The following MRC2 variants were observed in gnomAD, a reference collection of about 807,000 sequenced individuals.
MRC2 encodes the protein C-type mannose receptor 2.
Under a neutral mutation model 206.2 loss-of-function variants are expected in MRC2, and 84 were observed. The observed-to-expected ratio is 0.41, with a 90% CI of 0.34 to 0.49. MRC2 has a LOEUF of 0.49. MRC2 is among the 20% of genes least tolerant of loss of function. The pLI, the probability that MRC2 is intolerant of heterozygous loss-of-function variation, is 0.31. For missense variants in MRC2, 1,676 were observed against 2,001.5 expected (o/e 0.84, Z 3.10); for synonymous variants, 798 against 800.0 (o/e 1.00, Z 0.04).
intron 1 of MRC2, among the ~76,000 whole-genome samples, chr17:62,628,440 T>C (rs1381447003): frequency 1.3e-5 from 2 of 152,058 alleles, no homozygotes; most frequent in Admixed American, 6.5e-5. Flanking sequence ...GGCGTTGATA[T>C]TTTCTTTTCC....
Position 62,627,783 on chromosome 17 carries a change from A to G in MRC2, c.-20A>G. The G allele has an allele frequency of 7.1e-7, 1 of 1,409,976 alleles. No homozygotes were observed. The highest frequency in any genetic ancestry group is 9.2e-7 in the Non-Finnish European group (1 of 1,091,284). 87.3% of individuals were successfully genotyped at this position (1,409,976 alleles called of 1,614,324 possible). A position where few individuals can be genotyped will look rare whatever the true frequency, so the allele number is the denominator to read the frequency against. On this transcript the variant is annotated 5_prime_UTR_variant, in exon 1 of 30. Transcript: ENST00000303375. The stretch of plus-strand genomic sequence containing the variant: ...CTGTGCGCCCTCGGTCCCCGCGTCC[A>G]CTGAGCGCCGCGCTCGGGGATGGGG...
intron 6 of MRC2, among the ~76,000 whole-genome samples, chr17:62,668,913 G>A (rs7209331): frequency 0.11 from 16,642 of 152,084 alleles, 1,146 homozygotes; most frequent in South Asian, 0.19. Context: ...AATGGAGAAT[G>A]AAGCCACCCC....
chr17:62,670,105 A>C (rs2088808934), intron 6 of MRC2, among the ~76,000 whole-genome samples: 1 of 152,220 alleles, frequency 6.6e-6, no homozygotes, highest in Admixed American at 6.5e-5. Flanking sequence ...CCGGACCTGC[A>C]GACAGATGTA....
At position 62,666,892 on chromosome 17, in the gene MRC2, G is replaced by T; in HGVS notation, c.973+22G>T. 6.2e-7 allele frequency: 1 copy of T among 1,602,968 alleles called. No individual in the cohort carries two copies. The highest frequency in any genetic ancestry group is 8.5e-7 in the Non-Finnish European group (1 of 1,170,858). ...AGTGGTGAGGCACAAGGTTGGGGGC[G>T]CAGGGCAGCATAGGGGCCCCGCGGG... is the stretch of plus-strand genomic sequence containing the variant. On this transcript the variant is annotated intron_variant, in intron 5 of 29. Transcript: ENST00000303375. The surrounding 1 kb of genome is among the most constrained non-coding windows in gnomAD (Gnocchi z 5.0).
At chr17:62,635,837 G>GA (rs1234209451) in intron 1 of MRC2, among the ~76,000 whole-genome samples, 1 of 151,628 alleles carries the variant, frequency 6.6e-6, no homozygotes, top group African/African-American at 2.4e-5. Context: ...GCCCAGGCTG[G>GA]AGTGCAGTGG....
In MRC2 at chr17:62,663,999, G is replaced by A. The variant is rs1470188509; in HGVS notation, c.119-549G>A. On this transcript the variant is annotated intron_variant, in intron 1 of 29. Coordinates refer to ENST00000303375, the MANE Select transcript of MRC2 (RefSeq NM_006039.5). The stretch of plus-strand genomic sequence containing the variant: ...TTTTGAGACGGAGTCTCGCTCTGTC[G>A]CCCAGGCTGGAGTGCAGTGGCGGGA... Among the ~76,000 whole-genome samples, 56 of 139,402 alleles carry A rather than the reference G, an allele frequency of 4.0e-4. 1 individual carries two copies. Among genetic ancestry groups the A allele is most frequent in the African/African-American group, 1.5e-3 (53 of 36,148 alleles). 91.5% of individuals were successfully genotyped at this position (139,402 alleles called of 152,430 possible). A position where few individuals can be genotyped will look rare whatever the true frequency, so the allele number is the denominator to read the frequency against.
At position 62,682,278 on chromosome 17, in the gene MRC2, C is replaced by T. The variant is rs1453381862; in HGVS notation, c.2847C>T (p.Ile949=). ...GGTGCCTGACAGCCTTGCCCTACAT[C>T]TGCAAGCGCAGCAACGTCACCAAAG... ...DQRCLTALPY[I]CKRSNVTKET... The change falls in exon 20 of 30, where the codon ATC becomes ATT. Residue 949 remains isoleucine, a synonymous_variant. Transcript: ENST00000303375. The T allele has an allele frequency of 2.5e-6, 4 of 1,604,016 alleles. No individual in the cohort carries two copies. Among genetic ancestry groups the T allele is most frequent in the Admixed American group, 1.7e-5 (1 of 58,982 alleles).
chr17:62,674,830 G>A (rs762799409), intron 9 of MRC2, among the ~76,000 whole-genome samples: 3 of 152,042 alleles, frequency 2.0e-5, no homozygotes, highest in Non-Finnish European at 4.4e-5. Flanking sequence ...TGATGGGTGC[G>A]GGGAGCTTGC....
At chr17:62,637,868 G>A (rs541417730) in intron 1 of MRC2, among the ~76,000 whole-genome samples, 25 of 152,262 alleles carry the variant, frequency 1.6e-4, no homozygotes, top group Non-Finnish European at 2.1e-4. Flanking sequence ...GTCCACGGTG[G>A]CATTTGTTTT....
chr17:62,665,035 C>A, intron 2 of MRC2, 86 bp downstream of exon 2: 1 of 1,423,440 alleles, frequency 7.0e-7, no homozygotes, highest in Non-Finnish European at 9.4e-7. Context: ...AGTGACAAGG[C>A]CTTTGGCCTC....
intron 1 of MRC2, among the ~76,000 whole-genome samples, chr17:62,644,769 C>T (rs989942833): frequency 6.6e-6 from 1 of 152,070 alleles, no homozygotes; most frequent in East Asian, 1.9e-4. Context: ...TTGGGACTTA[C>T]GTGAGGGCAT....
rs2088904816 is a variant in MRC2 at position 62,677,283 on chromosome 17, G to A, written c.1849G>A (p.Gly617Ser). The part of the protein sequence containing the change: ...NRDQPGYSRG[G>S]CVALATGSAM... The stretch of plus-strand genomic sequence containing the variant: ...CTCTCCTTCAGGGTACAGCCGTGGG[G>A]GCTGCGTGGCGCTGGCCACTGGCAG... Residue 617 changes from glycine (G) to serine (S), a missense_variant, in exon 12 of 30, where the codon GGC (glycine) becomes AGC (serine). This residue lies in a region of MRC2 where 1,354 missense variants were observed against 1,636.6 expected (regional missense o/e 0.83). Transcript: ENST00000303375. 3 of 1,602,782 alleles carry A rather than the reference G, an allele frequency of 1.9e-6. No individual in the cohort carries two copies. The highest frequency in any genetic ancestry group is 2.6e-6 in the Non-Finnish European group (3 of 1,175,050).
chr17:62,639,416 AAC>A (rs2088370991), intron 1 of MRC2, among the ~76,000 whole-genome samples: 1 of 152,198 alleles, frequency 6.6e-6, no homozygotes, highest in African/African-American at 2.4e-5. Flanking sequence ...TAACTACTTA[AAC>A]TAGCAAAAAC....
rs1220976397 is a variant in MRC2, at chr17:62,680,772, C to CGCTCCCACGCCCGCGCT, written c.2474-22_2474-6dup. 1.3e-6 allele frequency: 2 copies of CGCTCCCACGCCCGCGCT among 1,550,904 alleles called. No individual in the cohort carries two copies. The highest frequency in any genetic ancestry group is 4.7e-5 in the East Asian group (2 of 42,134). ...TGGCGTGCAGCCTCTGCCTGGCCGC[C>CGCTCCCACGCCCGCGCT]GCTCCCACGCCCGCGCTGCTCCTGC... is the stretch of plus-strand genomic sequence containing the variant. On this transcript the variant is annotated intron_variant, in intron 16 of 29. Coordinates refer to ENST00000303375, the MANE Select transcript of MRC2 (RefSeq NM_006039.5). The surrounding 1 kb of genome is among the most constrained non-coding windows in gnomAD (Gnocchi z 4.8).
rs372126711 is a variant in MRC2 at position 62,666,573 on chromosome 17, G to A, written c.813G>A (p.Ala271=). Residue 271 remains alanine, a synonymous_variant, in exon 4 of 30, where the codon GCG becomes GCA. Transcript: ENST00000303375. This position sits in a 1 kb window ranked among gnomAD's most constrained non-coding sequence, Gnocchi z 5.0. The stretch of plus-strand genomic sequence containing the variant: ...GGGCCAGCTGCGAGCAGCAGGGTGC[G>A]GATCTGCTGAGCATCACGGAGATCC... ...EAWASCEQQG[A]DLLSITEIHE... is the part of the protein sequence containing the mutation. 100 of 1,609,584 alleles carry A rather than the reference G, an allele frequency of 6.2e-5. No homozygotes were observed. Among genetic ancestry groups the A allele is most frequent in the Non-Finnish European group, 8.1e-5 (95 of 1,178,296 alleles).
intron 1 of MRC2, among the ~76,000 whole-genome samples, chr17:62,639,213 G>A (rs1219976410): frequency 6.6e-6 from 1 of 152,084 alleles, no homozygotes; most frequent in Non-Finnish European, 1.5e-5. Context: ...GCACACTCCT[G>A]TAATCCCAGC....
chr17:62,691,168 C>G, intron 28 of MRC2, 40 bp downstream of exon 28: 1 of 1,552,114 alleles, frequency 6.4e-7, no homozygotes, highest in Non-Finnish European at 8.7e-7. Context: ...TCCTTCCACC[C>G]CGTGCCGCTG....
chr17:62,641,071 C>T (rs2147436807), intron 1 of MRC2, among the ~76,000 whole-genome samples: 1 of 151,522 alleles, frequency 6.6e-6, no homozygotes, highest in East Asian at 1.9e-4. Context: ...TCTCAAATTC[C>T]TGGCCTCAAG....
chr17:62,656,031 A>G (rs2088615441), intron 1 of MRC2, among the ~76,000 whole-genome samples: 1 of 152,050 alleles, frequency 6.6e-6, no homozygotes, highest in Non-Finnish European at 1.5e-5. Context: ...CTGGGACCAC[A>G]GGCACATGCC....
Sources: gnomAD v4.1 joint callset for allele counts (sites outside exome capture counted in the v4.1 genomes callset) on GRCh38, gnomAD v4.1.1 for gene constraint, gnomAD v4.1.1 regional missense constraint, Gnocchi (gnomAD v3.1) non-coding constraint, MANE v1.5 for transcripts, NCBI Gene and HGNC (gene_info 2026-07-23, HGNC 2026-07-21) for gene names.